PTK2: variants seen among roughly 807,000 people sequenced by gnomAD.
PTK2 encodes focal adhesion kinase 1.
In PTK2, 45 loss-of-function variants were observed where a neutral mutation model predicts 150.1. The observed-to-expected ratio is 0.30, with a 90% CI of 0.24 to 0.38. PTK2 has a LOEUF of 0.38. PTK2 is among the 10% of genes least tolerant of loss of function. The probability of loss-of-function intolerance (pLI) is 1.00; values close to 1 mark genes in which losing one functional copy is unlikely to be tolerated. For synonymous variants in PTK2, 432 were observed against 449.2 expected (o/e 0.96, Z 0.48); for missense variants, 919 against 1,307.3 (o/e 0.70, Z 4.58).
At chr8:140,989,767 G>C (rs983890189) in intron 1 of PTK2, among the ~76,000 whole-genome samples, 3 of 151,786 alleles carry the variant, frequency 2.0e-5, no homozygotes, top group Admixed American at 1.3e-4. Flanking sequence ...AATTAGCCGG[G>C]TGTGATGGTG....
chr8:140,724,034 C>T (rs912427672), intron 22 of PTK2, among the ~76,000 whole-genome samples: 1 of 152,152 alleles, frequency 6.6e-6, no homozygotes, highest in Admixed American at 6.5e-5. Flanking sequence ...ACAGCTAAGA[C>T]ACAAAAATAC....
At chr8:140,746,719 A>G (rs2100058984) in intron 18 of PTK2, 41 bp downstream of exon 21, 1 of 1,451,244 alleles carries the variant, frequency 6.9e-7, no homozygotes, top group African/African-American at 1.4e-5. Flanking sequence ...AAAAGATATC[A>G]AACGCTGAGT....
At chr8:140,989,159 G>A (rs2100194579) in intron 1 of PTK2, among the ~76,000 whole-genome samples, 1 of 139,484 alleles carries the variant, frequency 7.2e-6, no homozygotes, top group Non-Finnish European at 1.5e-5. Flanking sequence ...GGGAGGACTG[G>A]TTGAGCTCAG....
At chr8:140,750,635 C>T (rs781674552) in intron 17 of PTK2, among the ~76,000 whole-genome samples, 18 of 152,152 alleles carry the variant, frequency 1.2e-4, no homozygotes, top group Admixed American at 6.5e-4. Context: ...GGAACATCAC[C>T]GCTTGAGGGC....
At chr8:140,748,374 T>G (rs1281373730) in intron 17 of PTK2, among the ~76,000 whole-genome samples, 1 of 151,664 alleles carries the variant, frequency 6.6e-6, no homozygotes, top group Non-Finnish European at 1.5e-5. Context: ...GTGCCTGTAG[T>G]CCCAGCTACT....
At chr8:140,926,215 CAT>C (rs1335940514) in intron 1 of PTK2, among the ~76,000 whole-genome samples, 1 of 152,214 alleles carries the variant, frequency 6.6e-6, no homozygotes, top group Admixed American at 6.5e-5. Context: ...TAACCAATAA[CAT>C]AGATGATATT....
intron 14 of PTK2, among the ~76,000 whole-genome samples, chr8:140,774,319 G>A (rs1415638775): frequency 6.6e-6 from 1 of 152,174 alleles, no homozygotes; most frequent in Non-Finnish European, 1.5e-5. Flanking sequence ...CACAGTGAAT[G>A]GTTATAACTG....
chr8:140,841,533 G>A (rs1296901757), intron 7 of PTK2, among the ~76,000 whole-genome samples: 2 of 151,986 alleles, frequency 1.3e-5, no homozygotes, highest in Non-Finnish European at 2.9e-5. Context: ...CTTAAGTTCT[G>A]GAATGCCTTT....
chr8:140,901,655 T>C (rs2100158490), intron 2 of PTK2, among the ~76,000 whole-genome samples: 1 of 151,770 alleles, frequency 6.6e-6, no homozygotes, highest in Non-Finnish European at 1.5e-5. Context: ...CTGTCTTTTT[T>C]TTTTTTTTTT....
intron 7 of PTK2, among the ~76,000 whole-genome samples, chr8:140,840,456 T>C (rs1195026722): frequency 6.6e-6 from 1 of 152,202 alleles, no homozygotes; most frequent in Non-Finnish European, 1.5e-5. Flanking sequence ...TTTGAAAAGA[T>C]ATAACTAAAA....
At chr8:140,738,719 A>T (rs771256137) in intron 21 of PTK2, among the ~76,000 whole-genome samples, 46 of 152,208 alleles carry the variant, frequency 3.0e-4, no homozygotes, top group Non-Finnish European at 6.0e-4. Context: ...AGAAAGAAGG[A>T]AATAAGCAAA....
intron 22 of PTK2, among the ~76,000 whole-genome samples, chr8:140,725,135 AT>A (rs956379262): frequency 5.9e-5 from 9 of 152,008 alleles, no homozygotes; most frequent in Admixed American, 5.9e-4. Context: ...CTGTACCTTT[AT>A]TTTTTTCTAT....
intron 5 of PTK2, among the ~76,000 whole-genome samples, chr8:140,850,516 G>C (rs1465183132): frequency 5.3e-5 from 8 of 150,500 alleles, no homozygotes; most frequent in Admixed American, 5.3e-4. Context: ...ACGAGGTCAG[G>C]ATATCGAGAC....
At chr8:140,920,761 G>T (rs182609704) in intron 2 of PTK2, 18 of 1,354,790 alleles carry the variant, frequency 1.3e-5, no homozygotes, top group Non-Finnish European at 1.7e-5. Flanking sequence ...TACCTTTTCG[G>T]TGCAAAAGCA....
intron 26 of PTK2, among the ~76,000 whole-genome samples, chr8:140,693,583 A>T (rs1215284310): frequency 1.1e-4 from 15 of 137,786 alleles, no homozygotes; most frequent in South Asian, 2.3e-4. Flanking sequence ...AAAAAAAAAA[A>T]AAAAAAAAAA....
chr8:140,866,442 C>G (rs7815898), intron 4 of PTK2, among the ~76,000 whole-genome samples: 61,761 of 152,064 alleles, frequency 0.41, 13,357 homozygotes, highest in East Asian at 0.56. Context: ...GCATTTTACA[C>G]AGATGATTTC....
intron 20 of PTK2, among the ~76,000 whole-genome samples, chr8:140,742,619 GCATCTTCAC>G (rs2100056394): frequency 6.6e-6 from 1 of 152,150 alleles, no homozygotes; most frequent in Non-Finnish European, 1.5e-5. Context: ...TGGAACATCT[GCATCTTCAC>G]ATGCTTATGT....
At chr8:140,883,212 A>G (rs1393838032) in intron 3 of PTK2, among the ~76,000 whole-genome samples, 1 of 152,182 alleles carries the variant, frequency 6.6e-6, no homozygotes, top group Non-Finnish European at 1.5e-5. Context: ...TTTATTCATG[A>G]ACATCTGAAG....
At chr8:140,865,644 G>T (rs772108375) in intron 4 of PTK2, among the ~76,000 whole-genome samples, 64 of 151,952 alleles carry the variant, frequency 4.2e-4, no homozygotes, top group Non-Finnish European at 8.7e-4. Flanking sequence ...CAAACAATTC[G>T]GTTTCATTTC....
Sources: allele counts gnomAD v4.1 joint callset (sites outside exome capture counted in the v4.1 genomes callset), GRCh38; gene constraint gnomAD v4.1.1; transcripts MANE v1.5; gene names NCBI Gene and HGNC (gene_info 2026-07-23, HGNC 2026-07-21).